Variants in GOLGA5 observed in about 807,000 individuals in gnomAD.
GOLGA5 encodes the protein golgin subfamily A member 5.
Under a neutral mutation model 93.5 loss-of-function variants are expected in GOLGA5, and 50 were observed. That is an observed-to-expected ratio of 0.53 (90% confidence interval 0.43 to 0.68). GOLGA5 has a LOEUF of 0.68. Among genes scored for constraint, GOLGA5 ranks in the 30% least tolerant of loss-of-function variants. The probability of loss-of-function intolerance (pLI) is 0.00; values close to 1 mark genes in which losing one functional copy is unlikely to be tolerated. For synonymous variants in GOLGA5, 312 were observed against 304.5 expected, an observed-to-expected ratio of 1.02 and a Z score of -0.26; for missense variants, 760 against 856.4, an observed-to-expected ratio of 0.89 and a Z score of 1.40.
At chr14:92,820,293 C>T (rs1208814811) in intron 8 of GOLGA5, among the ~76,000 whole-genome samples, 1 of 152,200 alleles carries the variant, frequency 6.6e-6, no homozygotes, top group African/African-American at 2.4e-5. Context: ...AGGTACTATG[C>T]CTGGATGTGC....
Position 92,824,540 on chromosome 14 carries a change from T to A in GOLGA5, c.1621-6T>A. The A allele has an allele frequency of 6.6e-7, 1 of 1,505,710 alleles. No homozygotes were observed. The highest frequency in any genetic ancestry group is 1.7e-4 in the Middle Eastern group (1 of 5,826). The allele number at this position is 1,505,710 out of a possible 1,614,324, so 93.3% of individuals were successfully genotyped here. On this transcript the variant is annotated splice_region_variant and splice_polypyrimidine_tract_variant and intron_variant, in intron 8 of 12. Coordinates refer to ENST00000163416, the MANE Select transcript of GOLGA5 (RefSeq NM_005113.4). ...GCTTCTGTTTTGTTTGTGCCTCACTTTGCAGGAGTTCCACTATATAGAAGA... is the reference window on the plus strand; with the variant it reads ...GCTTCTGTTTTGTTTGTGCCTCACTATGCAGGAGTTCCACTATATAGAAGA...
chr14:92,808,703 A>G (rs549612517), intron 3 of GOLGA5, among the ~76,000 whole-genome samples: 118 of 149,600 alleles, frequency 7.9e-4, no homozygotes, highest in African/African-American at 2.8e-3. Context: ...TCTCACTGGA[A>G]AAAAAAAAAA....
In GOLGA5 at chr14:92,835,649, C is replaced by G; in HGVS notation, c.2036C>G (p.Ser679Ter). 1 of 1,607,034 alleles carries G rather than the reference C, an allele frequency of 6.2e-7. No homozygotes were observed. Among genetic ancestry groups the G allele is most frequent in the Non-Finnish European group, 8.5e-7 (1 of 1,173,720 alleles). The change falls in exon 11 of 13, where the codon TCA (serine) becomes TGA (stop). Residue 679 changes from serine to a stop codon, truncating the protein, a stop_gained. Transcript: ENST00000163416. LOFTEE classifies it high-confidence loss of function. ...MYGKVRKAAS[S>*]IDQFSIRLGI... Reference sequence around the variant, plus strand: ...GGAAAAGTTCGCAAAGCTGCTAGTTCAATTGATCAGTTTAGGTAAGCAATG... The same window carrying G: ...GGAAAAGTTCGCAAAGCTGCTAGTTGAATTGATCAGTTTAGGTAAGCAATG...
At chr14:92,802,267 A>G (rs1365015309) in intron 2 of GOLGA5, among the ~76,000 whole-genome samples, 1 of 152,072 alleles carries the variant, frequency 6.6e-6, no homozygotes, top group African/African-American at 2.4e-5. Flanking sequence ...AGTAGTTTAT[A>G]TTTTTTGAAA....
chr14:92,816,542 G>GCTTCGCTTCTCTTCT (rs386382184), intron 7 of GOLGA5, 121 bp downstream of exon 7: 3 of 699,878 alleles, frequency 4.3e-6, no homozygotes, highest in Non-Finnish European at 4.7e-6. Context: ...GCTTCGCTTC[G>GCTTCGCTTCTCTTCT]CTTCTCTTCT....
In GOLGA5 at chr14:92,833,310, G is replaced by T; in HGVS notation, c.1908G>T (p.Gly636=). Residue 636 remains glycine, a synonymous_variant, in exon 10 of 13, where the codon GGG becomes GGT. Transcript: ENST00000163416. The stretch of plus-strand genomic sequence containing the variant: ...CCGCCTCTGGAAGTAGTAGTAATGG[G>T]TCTTCGATTAATATGTCTGGAATTG... ...MNSASGSSSN[G]SSINMSGIDN... The T allele has an allele frequency of 6.2e-7, 1 of 1,612,090 alleles. No homozygotes were observed. Among genetic ancestry groups the T allele is most frequent in the Non-Finnish European group, 8.5e-7 (1 of 1,178,188 alleles).
chr14:92,830,155 C>G (rs1045992160), intron 9 of GOLGA5, among the ~76,000 whole-genome samples: 13 of 152,124 alleles, frequency 8.5e-5, no homozygotes, highest in African/African-American at 2.9e-4. Context: ...CCCGTCTCTA[C>G]TAAAAATACA....
At chr14:92,811,521 CATTA>C in intron 5 of GOLGA5, 26 bp from the exon 6 acceptor site, 2 of 1,359,954 alleles carry the variant, frequency 1.5e-6, no homozygotes, top group Middle Eastern at 1.8e-4. Flanking sequence ...TAAATGATAT[CATTA>C]ATTATGATAT....
At chr14:92,807,053 A>G in intron 3 of GOLGA5, 90 bp downstream of exon 3, 1 of 869,952 alleles carries the variant, frequency 1.1e-6, no homozygotes, top group South Asian at 1.5e-5. Context: ...TAATCCCAGC[A>G]CTTTGGGAGG....
chr14:92,804,734 C>T (rs968785727), intron 2 of GOLGA5, among the ~76,000 whole-genome samples: 8 of 146,478 alleles, frequency 5.5e-5, no homozygotes. Flanking sequence ...CAGCTCATTG[C>T]AACCTCTGCC....
chr14:92,794,981 A>G (rs980519819), intron 1 of GOLGA5, among the ~76,000 whole-genome samples: 2 of 152,264 alleles, frequency 1.3e-5, no homozygotes, highest in Non-Finnish European at 2.9e-5. Flanking sequence ...GGCCCATCTA[A>G]GTATTTAATT....
At position 92,834,147 on chromosome 14, in the gene GOLGA5, AT is replaced by A. The variant is rs963261113; in HGVS notation, c.1945+807del. On this transcript the variant is annotated intron_variant, in intron 10 of 12. Transcript: ENST00000163416. The stretch of plus-strand genomic sequence containing the variant: ...AATTTTCCTGACCATAACTTCTGTG[AT>A]TTTTTTAAGGGTTTTCAGTTTCTTT... Among the ~76,000 whole-genome samples the A allele has an allele frequency of 1.7e-4, 25 of 148,990 alleles. 1 individual carries two copies. Among genetic ancestry groups the A allele is most frequent in the Admixed American group, 1.5e-3 (23 of 14,998 alleles).
At position 92,811,770 on chromosome 14, in the gene GOLGA5, A is replaced by G; in HGVS notation, c.1320+16A>G. On this transcript the variant is annotated intron_variant, in intron 6 of 12. Coordinates refer to ENST00000163416, the MANE Select transcript of GOLGA5 (RefSeq NM_005113.4). The stretch of plus-strand genomic sequence containing the variant: ...AATACTGCAAGTAAGCATGAAATGT[A>G]CACTTTTGGATGTTAAGATGTGCAA... The G allele has an allele frequency of 6.4e-7, 1 of 1,556,688 alleles. No homozygotes were observed. Among genetic ancestry groups the G allele is most frequent in the Non-Finnish European group, 8.9e-7 (1 of 1,127,804 alleles).
At chr14:92,837,239 C>G (rs111559854) in intron 11 of GOLGA5, 147 bp from the exon 12 acceptor site, 68 of 535,818 alleles carry the variant, frequency 1.3e-4, no homozygotes, top group African/African-American at 1.1e-3. Context: ...ATTTAACAGT[C>G]TGCTATAAAA....
intron 7 of GOLGA5, among the ~76,000 whole-genome samples, chr14:92,819,200 C>T (rs144992274): frequency 3.2e-3 from 485 of 152,284 alleles, no homozygotes; most frequent in Middle Eastern, 0.014. Flanking sequence ...AACCACATGG[C>T]TTATGTGCTG....
In GOLGA5 at chr14:92,809,440, A is replaced by G. The variant is rs1313298333; in HGVS notation, c.913A>G (p.Lys305Glu). 1.2e-6 allele frequency: 2 copies of G among 1,613,982 alleles called. No homozygotes were observed. Among genetic ancestry groups the G allele is most frequent in the Non-Finnish European group, 1.7e-6 (2 of 1,179,962 alleles). Residue 305 changes from lysine (K) to glutamate (E), a missense_variant, in exon 4 of 13, where the codon AAA becomes GAA. Lys to Glu is a moderately conservative substitution (Grantham distance 56, BLOSUM62 1). Transcript: ENST00000163416. ...AAKDSQLAVL[K>E]VRLQEADQLL... is the part of the protein sequence containing the mutation. ...AAAGGATTCCCAGCTGGCTGTACTG[A>G]AAGTGAGACTCCAGGAAGCTGACCA...
intron 3 of GOLGA5, 85 bp downstream of exon 3, chr14:92,807,048 C>G: frequency 2.1e-6 from 2 of 930,480 alleles, no homozygotes; most frequent in Non-Finnish European, 3.4e-6. Context: ...GCCTGTAATC[C>G]CAGCACTTTG....
intron 12 of GOLGA5, among the ~76,000 whole-genome samples, chr14:92,838,789 C>T (rs922128593): frequency 2.0e-5 from 3 of 151,996 alleles, no homozygotes; most frequent in Admixed American, 6.6e-5. Context: ...ATGAGTAACA[C>T]GGGCACTGTC....
At chr14:92,830,407 A>ATT (rs35482590) in intron 9 of GOLGA5, among the ~76,000 whole-genome samples, 1,606 of 148,016 alleles carry the variant, frequency 0.011, 32 homozygotes, top group African/African-American at 0.035. Context: ...TGTGACTGGT[A>ATT]TTTTTTTTTT....
Sources: allele counts gnomAD v4.1 joint callset (sites outside exome capture counted in the v4.1 genomes callset), GRCh38; gene constraint gnomAD v4.1.1; transcripts MANE v1.5; gene names NCBI Gene and HGNC (gene_info 2026-07-23, HGNC 2026-07-21).